Variants in DGCR8 observed in about 807,000 individuals in gnomAD.
DGCR8 encodes the protein microprocessor complex subunit DGCR8.
DGCR8 carries 14 observed loss-of-function variants against 78.5 expected under a neutral mutation model. That is an observed-to-expected ratio of 0.18 (90% CI 0.12 to 0.28). The LOEUF is 0.28. Ranked by LOEUF, DGCR8 falls within the 10% of genes least tolerant of loss-of-function variation. The pLI, the probability that DGCR8 is intolerant of heterozygous loss-of-function variation, is 1.00. For missense variants in DGCR8, 702 were observed against 1,022.5 expected (o/e 0.69, Z 4.28); for synonymous variants, 399 against 402.4 (o/e 0.99, Z 0.10).
rs1568963324 is a variant in DGCR8, at chr22:20,108,792, C to CACCTACCTT, written c.2125-98_2125-97insACCTACCTT. On this transcript the variant is annotated intron_variant, in intron 12 of 13. Coordinates refer to ENST00000351989, the MANE Select transcript of DGCR8 (RefSeq NM_022720.7). ...TTTCGTGTCTGCCAGACCCTGGGCG[C>CACCTACCTT]GCCTGCCTTCAGGGTCCCAGGCACA... 39 of 683,608 alleles carry CACCTACCTT rather than the reference C, an allele frequency of 5.7e-5. No homozygotes were observed. In the African/African-American group the frequency reaches 1.1e-3, roughly 20 times the overall value. The allele number at this position is 683,608 out of a possible 1,614,324, so 42.3% of individuals were successfully genotyped here.
intron 12 of DGCR8, 81 bp from the exon 13 acceptor site, chr22:20,108,809 C>T (rs1210649064): frequency 1.9e-5 from 17 of 894,974 alleles, no homozygotes; most frequent in Non-Finnish European, 3.2e-5. Context: ...CTTCAGGGTC[C>T]CAGGCACACA....
At chr22:20,109,717 A>C (rs2049812331) in intron 13 of DGCR8, among the ~76,000 whole-genome samples, 1 of 152,100 alleles carries the variant, frequency 6.6e-6, no homozygotes, top group Non-Finnish European at 1.5e-5. Context: ...AGGGAGGAAC[A>C]CCCAATGGGG....
At chr22:20,099,950 TC>T (rs1252012954) in intron 9 of DGCR8, among the ~76,000 whole-genome samples, 1 of 152,064 alleles carries the variant, frequency 6.6e-6, no homozygotes, top group African/African-American at 2.4e-5. Flanking sequence ...CTCTCAAGTT[TC>T]TACATGTTTT....
chr22:20,083,617 G>A (rs1225173526), intron 1 of DGCR8, among the ~76,000 whole-genome samples: 12 of 151,974 alleles, frequency 7.9e-5, no homozygotes, highest in Non-Finnish European at 1.6e-4. Flanking sequence ...TCCCCATTCC[G>A]TCCCACTGTT....
rs773446582 is a variant in DGCR8, at chr22:20,110,140, G to A, written c.*32G>A. 8.2e-6 allele frequency: 13 copies of A among 1,593,490 alleles called. No individual in the cohort carries two copies. The highest frequency in any genetic ancestry group is 2.2e-5 in the South Asian group (2 of 90,828). Reference sequence around the variant, plus strand: ...TGGCACGGGCCAGGGCGCGGGGGCCGCCAGCCGCACTTCTGAGGAGACCAG... The same window carrying A: ...TGGCACGGGCCAGGGCGCGGGGGCCACCAGCCGCACTTCTGAGGAGACCAG... On this transcript the variant is annotated 3_prime_UTR_variant, in exon 14 of 14. Coordinates refer to ENST00000351989, the MANE Select transcript of DGCR8 (RefSeq NM_022720.7).
chr22:20,092,990 G>A, intron 8 of DGCR8, 83 bp downstream of exon 8: 3 of 1,017,232 alleles, frequency 2.9e-6, no homozygotes, highest in South Asian at 3.0e-5. Context: ...GCTGAGCAGT[G>A]GTGACAAGTG....
Position 20,080,307 on chromosome 22 carries a change from C to T in DGCR8, c.-354C>T. ...GAGCCTGGACAGGCTTTCCAGATGG[C>T]TGCGGCGGTCGGTCGGTGAGGCTTT... On this transcript the variant is annotated 5_prime_UTR_variant, in exon 1 of 14. Coordinates refer to ENST00000351989, the MANE Select transcript of DGCR8 (RefSeq NM_022720.7). The T allele has an allele frequency of 2.0e-6, 2 of 981,068 alleles. No individual in the cohort carries two copies. Among genetic ancestry groups the T allele is most frequent in the Non-Finnish European group, 1.2e-6 (1 of 828,228 alleles). The allele number at this position is 981,068 out of a possible 1,614,324, so 60.8% of individuals were successfully genotyped here. A position where few individuals can be genotyped will look rare whatever the true frequency, so the allele number is the denominator to read the frequency against.
rs758218351 is a variant in DGCR8, at chr22:20,086,707, G to T, written c.720+24G>T. The T allele has an allele frequency of 1.1e-5, 17 of 1,577,560 alleles. No individual in the cohort carries two copies. Among genetic ancestry groups the T allele is most frequent in the Middle Eastern group, 3.4e-4 (2 of 5,858 alleles). On this transcript the variant is annotated intron_variant, in intron 2 of 13. Coordinates refer to ENST00000351989, the MANE Select transcript of DGCR8 (RefSeq NM_022720.7). The surrounding 1 kb of genome is among the most constrained non-coding windows in gnomAD (Gnocchi z 6.4). Reference sequence around the variant, plus strand: ...AGGTATGTTGGCAGCCCCTCCTCTAGAGGGCTCTTAGCAAAACCCAAAGAG... The same window carrying T: ...AGGTATGTTGGCAGCCCCTCCTCTATAGGGCTCTTAGCAAAACCCAAAGAG...
rs201892577 is a variant in DGCR8, at chr22:20,106,662, G to A, written c.1960G>A (p.Val654Ile). The stretch of plus-strand genomic sequence containing the variant: ...TGGGAAAAACCAGAAGAGTGAATAC[G>A]TCATGGCGTGTGGCAAGCACACAGT... ...VPGKNQKSEY[V>I]MACGKHTVRG... is the part of the protein sequence containing the mutation. Residue 654 changes from valine (V) to isoleucine (I), a missense_variant, in exon 11 of 14, where the codon GTC (valine) becomes ATC (isoleucine). Physicochemically the swap from Val to Ile is conservative, Grantham distance 29. Coordinates refer to ENST00000351989, the MANE Select transcript of DGCR8 (RefSeq NM_022720.7). The A allele has an allele frequency of 8.1e-6, 13 of 1,613,814 alleles. No homozygotes were observed. The highest frequency in any genetic ancestry group is 1.0e-5 in the Non-Finnish European group (12 of 1,179,808).
At chr22:20,097,131 C>T (rs1006858865) in intron 9 of DGCR8, among the ~76,000 whole-genome samples, 11 of 152,144 alleles carry the variant, frequency 7.2e-5, no homozygotes, top group Middle Eastern at 3.4e-3. Flanking sequence ...CTGTAGTTTT[C>T]TTGTGATATC....
intron 8 of DGCR8, among the ~76,000 whole-genome samples, chr22:20,093,261 C>T (rs552376441): frequency 2.0e-5 from 3 of 152,020 alleles, no homozygotes; most frequent in East Asian, 1.9e-4. Flanking sequence ...AAAAATTAGC[C>T]GGGTGTGGTG....
intron 9 of DGCR8, among the ~76,000 whole-genome samples, chr22:20,096,993 A>G (rs2049636036): frequency 6.6e-6 from 1 of 152,166 alleles, no homozygotes; most frequent in South Asian, 2.1e-4. Context: ...ATGGTGAGCC[A>G]ACCTTGCATT....
intron 9 of DGCR8, among the ~76,000 whole-genome samples, chr22:20,104,883 G>T (rs1231344067): frequency 6.6e-6 from 1 of 152,208 alleles, no homozygotes; most frequent in Non-Finnish European, 1.5e-5. Context: ...TGTCTGTAGG[G>T]CCAGTGTCCC....
intron 1 of DGCR8, among the ~76,000 whole-genome samples, chr22:20,081,293 C>T (rs1296527044): frequency 3.3e-5 from 5 of 152,240 alleles, no homozygotes; most frequent in African/African-American, 1.2e-4. Context: ...CAGCCAGTGC[C>T]TCTGTTAGCC....
At chr22:20,082,960 G>C (rs1242804302) in intron 1 of DGCR8, among the ~76,000 whole-genome samples, 2 of 152,174 alleles carry the variant, frequency 1.3e-5, no homozygotes, top group African/African-American at 4.8e-5. Flanking sequence ...CCAAAGTCCT[G>C]GCAGCAGCCT....
chr22:20,110,372 TGTGGACAGTG>T lies in DGCR8; in HGVS notation c.*271_*280del. ...GACTGCACCAGTGGCAGCTGGTGAC[TGTGGACAGTG>T]GTGGACCCTGCTTCTGTGCACCTGC... On this transcript the variant is annotated 3_prime_UTR_variant, in exon 14 of 14. Coordinates refer to ENST00000351989, the MANE Select transcript of DGCR8 (RefSeq NM_022720.7). 1 of 497,498 alleles carries T rather than the reference TGTGGACAGTG, an allele frequency of 2.0e-6. No homozygotes were observed. The highest frequency in any genetic ancestry group is 3.6e-6 in the Non-Finnish European group (1 of 278,706). The allele number at this position is 497,498 out of a possible 1,614,324, so 30.8% of individuals were successfully genotyped here.
chr22:20,106,895 C>A lies in DGCR8; in HGVS notation c.1996+197C>A, dbSNP rs1210103804. On this transcript the variant is annotated intron_variant, in intron 11 of 13. Transcript: ENST00000351989. ...CACTTTCCCTGTCTTTTCCCTTTCC[C>A]CCGCTGTCACCCCTGTCTCCGTCCA... 5.0e-6 allele frequency: 3 copies of A among 594,638 alleles called. No individual in the cohort carries two copies. In the African/African-American group the frequency reaches 5.6e-5, roughly 11 times the overall value. The allele number at this position is 594,638 out of a possible 1,614,324, so 36.8% of individuals were successfully genotyped here.
rs1186946365 is a variant in DGCR8 at position 20,080,345 on chromosome 22, T to G, written c.-316T>G. Reference sequence around the variant, plus strand: ...TCGGTGAGGCTTTCCCGGCTGTGGTTTGGCTGCGGGCGGCTTGGGCAGCCC... The same window carrying G: ...TCGGTGAGGCTTTCCCGGCTGTGGTGTGGCTGCGGGCGGCTTGGGCAGCCC... On this transcript the variant is annotated 5_prime_UTR_variant, in exon 1 of 14. Transcript: ENST00000351989. The G allele has an allele frequency of 1.0e-6, 1 of 980,630 alleles. No homozygotes were observed. Among genetic ancestry groups the G allele is most frequent in the East Asian group, 1.1e-4 (1 of 8,724 alleles). The allele number at this position is 980,630 out of a possible 1,614,324, so 60.7% of individuals were successfully genotyped here.
At chr22:20,101,779 C>T in intron 9 of DGCR8, 1 of 985,346 alleles carries the variant, frequency 1.0e-6, no homozygotes, top group Non-Finnish European at 1.2e-6. Flanking sequence ...CTCCTCCCAG[C>T]TGCCTGTGCA....
Sources: gnomAD v4.1 joint callset for allele counts (sites outside exome capture counted in the v4.1 genomes callset) on GRCh38, gnomAD v4.1.1 for gene constraint, Gnocchi (gnomAD v3.1) non-coding constraint, MANE v1.5 for transcripts, NCBI Gene and HGNC (gene_info 2026-07-23, HGNC 2026-07-21) for gene names.